WSB1: variants seen among roughly 807,000 people sequenced by gnomAD.
WSB1 encodes the protein WD repeat and SOCS box-containing protein 1.
Under a neutral mutation model 50.2 loss-of-function variants are expected in WSB1, and 23 were observed. The ratio of observed to expected loss-of-function variants is 0.46; its 90% CI spans 0.33 to 0.65. The LOEUF is 0.65. WSB1 is among the 30% of genes least tolerant of loss of function. The probability of loss-of-function intolerance (pLI) is 0.02; values close to 1 mark genes in which losing one functional copy is unlikely to be tolerated. For synonymous variants in WSB1, 179 were observed against 172.0 expected (o/e 1.04, Z -0.32); for missense variants, 492 against 522.3 (o/e 0.94, Z 0.56).
chr17:27,306,470 C>G (rs935092373), intron 4 of WSB1, among the ~76,000 whole-genome samples: 4 of 152,128 alleles, frequency 2.6e-5, no homozygotes, highest in Non-Finnish European at 4.4e-5. Flanking sequence ...CTGCCTCAGC[C>G]TCTCAAAGTG....
chr17:27,305,007 A>G (rs2017390019), intron 4 of WSB1, 96 bp downstream of exon 4: 1 of 1,494,446 alleles, frequency 6.7e-7, no homozygotes, highest in East Asian at 2.3e-5. Context: ...TTTAAAAATG[A>G]CATGTGATCA....
intron 5 of WSB1, chr17:27,308,567 T>C: frequency 3.0e-6 from 3 of 985,928 alleles, no homozygotes; most frequent in Non-Finnish European, 1.2e-6. Flanking sequence ...TGGCTGTGAA[T>C]ATTCTATTTG....
rs1049813952 is a variant in WSB1, at chr17:27,306,978, C to T, written c.711+96C>T. 3.6e-5 allele frequency: 41 copies of T among 1,149,858 alleles called. No homozygotes were observed. In the Admixed American group the frequency reaches 3.9e-4, roughly 11 times the overall value. The allele number at this position is 1,149,858 out of a possible 1,614,324, so 71.2% of individuals were successfully genotyped here. On this transcript the variant is annotated intron_variant, in intron 5 of 8. Transcript: ENST00000262394. The stretch of plus-strand genomic sequence containing the variant: ...CTAAGTAACCTATGAAGTCTGTGCT[C>T]GGTGTCATGAATATTTTAAATGTTT...
At position 27,315,341 on chromosome 17, in the gene WSB1, C is replaced by T. The variant is rs528094240; in HGVS notation, c.*2972C>T. Reference sequence around the variant, plus strand: ...TACATGTGAACATAGGAAAATCACACTCAGCAGCCAAGCTATCCTTTTGCG... The same window carrying T: ...TACATGTGAACATAGGAAAATCACATTCAGCAGCCAAGCTATCCTTTTGCG... On this transcript the variant is annotated 3_prime_UTR_variant, in exon 9 of 9. Transcript: ENST00000262394. 6.6e-6 allele frequency: 1 copy of T among 152,324 alleles called. No homozygotes were observed. Among genetic ancestry groups the T allele is most frequent in the East Asian group, 1.9e-4 (1 of 5,174 alleles). The allele number at this position is 152,324 out of a possible 1,614,324, so 9.4% of individuals were successfully genotyped here. A position where few individuals can be genotyped will look rare whatever the true frequency, so the allele number is the denominator to read the frequency against.
chr17:27,303,216 C>A, intron 2 of WSB1, 151 bp from the exon 3 acceptor site: 1 of 836,754 alleles, frequency 1.2e-6, no homozygotes, highest in Non-Finnish European at 1.8e-6. Flanking sequence ...CAAATATCAA[C>A]CTTTCCCTTC....
At position 27,309,228 on chromosome 17, in the gene WSB1, A is replaced by T. The variant is rs1295208019; in HGVS notation, c.840A>T (p.Val280=). 6.2e-7 allele frequency: 1 copy of T among 1,611,892 alleles called. No homozygotes were observed. Among genetic ancestry groups the T allele is most frequent in the Non-Finnish European group, 8.5e-7 (1 of 1,178,962 alleles). Reference sequence around the variant, plus strand: ...CTACTGCATCTTATGATACTCGAGTATATATCTGGGATCCACATAATGGAG... The same window carrying T: ...CTACTGCATCTTATGATACTCGAGTTTATATCTGGGATCCACATAATGGAG... ...LLATASYDTR[V]YIWDPHNGDI... The change falls in exon 6 of 9, where the codon GTA becomes GTT. Residue 280 remains valine (V), a synonymous_variant. Transcript: ENST00000262394.
At chr17:27,298,987 C>A (rs897512427) in intron 1 of WSB1, among the ~76,000 whole-genome samples, 1 of 151,482 alleles carries the variant, frequency 6.6e-6, no homozygotes, top group African/African-American at 2.4e-5. Context: ...TTTAAGCCTA[C>A]GAGTTTGCCT....
intron 5 of WSB1, chr17:27,307,778 G>A: frequency 6.5e-7 from 1 of 1,535,234 alleles, no homozygotes; most frequent in South Asian, 1.2e-5. Flanking sequence ...TTGAGGTTAT[G>A]CTGGCACCAC....
chr17:27,309,675 T>G (rs375064818), intron 6 of WSB1, among the ~76,000 whole-genome samples: 410 of 152,022 alleles, frequency 2.7e-3, no homozygotes, highest in African/African-American at 9.2e-3. Flanking sequence ...CTCCACCTCC[T>G]GGGTTCAAGC....
chr17:27,303,256 G>A lies in WSB1; in HGVS notation c.210-111G>A. 1.7e-6 allele frequency: 2 copies of A among 1,193,994 alleles called. 1 individual carries two copies. The highest frequency in any genetic ancestry group is 3.1e-5 in the South Asian group (2 of 64,826). 74.0% of individuals were successfully genotyped at this position (1,193,994 alleles called of 1,614,324 possible). On this transcript the variant is annotated intron_variant, in intron 2 of 8. Transcript: ENST00000262394. ...CTATAGGATTCTATTGTTATTTGGT[G>A]TCATTATAATAATATTGAGGTTATT...
At chr17:27,306,928 T>C (rs1405174435) in intron 5 of WSB1, 46 bp downstream of exon 5, 3 of 1,555,510 alleles carry the variant, frequency 1.9e-6, no homozygotes, top group Admixed American at 1.7e-5. Context: ...TGGATTATGA[T>C]AATGTGTGCA....
intron 6 of WSB1, among the ~76,000 whole-genome samples, 178 bp from the exon 7 acceptor site, chr17:27,309,882 TA>T (rs1391439485): frequency 6.6e-6 from 1 of 152,190 alleles, no homozygotes; most frequent in Non-Finnish European, 1.5e-5. Flanking sequence ...CGCCCGACCA[TA>T]AAAGATTAGT....
chr17:27,312,172 T>A, intron 8 of WSB1, 38 bp from the exon 9 acceptor site: 1 of 1,586,236 alleles, frequency 6.3e-7, no homozygotes, highest in Middle Eastern at 1.7e-4. Context: ...GAAATACATA[T>A]ACTTGGGTGA....
At chr17:27,309,952 T>G in intron 6 of WSB1, 109 bp from the exon 7 acceptor site, 1 of 780,520 alleles carries the variant, frequency 1.3e-6, no homozygotes, top group Non-Finnish European at 2.1e-6. Context: ...TCAGTTATAT[T>G]AATTAAGGCT....
At chr17:27,310,206 A>G (rs1472382699) in intron 7 of WSB1, 32 bp downstream of exon 7, 1 of 1,593,552 alleles carries the variant, frequency 6.3e-7, no homozygotes, top group Non-Finnish European at 8.6e-7. Flanking sequence ...TGACTGACTT[A>G]CTATTACCTT....
intron 4 of WSB1, among the ~76,000 whole-genome samples, chr17:27,306,202 CTTTTTTTTT>C (rs907711059): frequency 5.1e-3 from 320 of 63,144 alleles, no homozygotes; most frequent in Non-Finnish European, 8.0e-3. Flanking sequence ...AGAATTCTGT[CTTTTTTTTT>C]TTTTTTTTTT....
rs1419691245 is a variant in WSB1 at position 27,313,525 on chromosome 17, C to G, written c.*1156C>G. On this transcript the variant is annotated 3_prime_UTR_variant, in exon 9 of 9. Coordinates refer to ENST00000262394, the MANE Select transcript of WSB1 (RefSeq NM_015626.10). ...AATACAGCATATCTGCTTTTGCCTT[C>G]TGTTGTTTATCTTACCTGCAGATAT... The G allele has an allele frequency of 6.6e-6, 1 of 150,578 alleles. No individual in the cohort carries two copies. Among genetic ancestry groups the G allele is most frequent in the African/African-American group, 2.4e-5 (1 of 40,822 alleles). 9.3% of individuals were successfully genotyped at this position (150,578 alleles called of 1,614,324 possible).
intron 4 of WSB1, 46 bp downstream of exon 4, chr17:27,304,957 C>A: frequency 6.2e-7 from 1 of 1,609,730 alleles, no homozygotes; most frequent in Non-Finnish European, 8.5e-7. Flanking sequence ...TTTCTTGATA[C>A]TACTATGGAG....
chr17:27,307,793 A>G, intron 5 of WSB1: 1 of 1,533,702 alleles, frequency 6.5e-7, no homozygotes, highest in Non-Finnish European at 8.7e-7. Context: ...CACCACTCGC[A>G]CACAGGCGCA....
Sources: allele counts gnomAD v4.1 joint callset (sites outside exome capture counted in the v4.1 genomes callset), GRCh38; gene constraint gnomAD v4.1.1; transcripts MANE v1.5; gene names NCBI Gene and HGNC (gene_info 2026-07-23, HGNC 2026-07-21).